The following EXOSC3 variants were observed in gnomAD, a reference collection of about 807,000 sequenced individuals.
The protein encoded by EXOSC3 is exosome component 3.
A neutral mutation model predicts 25.1 loss-of-function variants in EXOSC3; 18 were observed. The observed-to-expected ratio is 0.72, with a 90% confidence interval of 0.50 to 1.06. The LOEUF (loss-of-function observed/expected upper bound fraction) is 1.06. EXOSC3 is among the 50% of genes least tolerant of loss of function. The pLI is 0.00. For missense variants in EXOSC3, 382 were observed against 350.9 expected, an observed-to-expected ratio of 1.09 and a Z score of -0.71; for synonymous variants, 165 against 132.2, an observed-to-expected ratio of 1.25 and a Z score of -1.70.
In EXOSC3 at chr9:37,782,023, C is replaced by G. The variant is rs377071301; in HGVS notation, c.589G>C (p.Gly197Arg). Residue 197 changes from glycine (G) to arginine (R), a missense_variant, in exon 3 of 4, where the codon GGT (glycine) becomes CGT (arginine). Coordinates refer to ENST00000327304, the MANE Select transcript of EXOSC3 (RefSeq NM_016042.4). The stretch of plus-strand genomic sequence containing the variant: ...CCCAGAGTCACTTTAAAAAGCAGAC[C>G]ATCCTGTCCAATGACACCCATTCCA... ...ANGMGVIGQD[G>R]LLFKVTLGLI... 5 of 1,613,988 alleles carry G rather than the reference C, an allele frequency of 3.1e-6. No individual in the cohort carries two copies. Among genetic ancestry groups the G allele is most frequent in the Non-Finnish European group, 4.2e-6 (5 of 1,179,930 alleles).
chr9:37,785,053 C>A lies in EXOSC3; in HGVS notation c.-9G>T. ...GACGCAGGTTCGGCCATCGCGGGCT[C>A]CACCAAACACCGTTTCCGGTACCCG... On this transcript the variant is annotated 5_prime_UTR_variant, in exon 1 of 4. Coordinates refer to ENST00000327304, the MANE Select transcript of EXOSC3 (RefSeq NM_016042.4). 6.3e-7 allele frequency: 1 copy of A among 1,585,620 alleles called. No homozygotes were observed. Among genetic ancestry groups the A allele is most frequent in the Non-Finnish European group, 8.6e-7 (1 of 1,164,280 alleles).
In EXOSC3 at chr9:37,784,072, A is replaced by G; in HGVS notation, c.325-9T>C. 1 of 1,602,048 alleles carries G rather than the reference A, an allele frequency of 6.2e-7. No individual in the cohort carries two copies. The highest frequency in any genetic ancestry group is 8.5e-7 in the Non-Finnish European group (1 of 1,175,486). On this transcript the variant is annotated splice_polypyrimidine_tract_variant and intron_variant, in intron 1 of 3. Transcript: ENST00000327304. ...CCTTTTACTGGAACATACTACAAAA[A>G]GAAACAGAATGAAAAAACAGCCATA...
intron 2 of EXOSC3, among the ~76,000 whole-genome samples, chr9:37,783,027 A>G (rs1214195810): frequency 6.6e-6 from 1 of 152,222 alleles, no homozygotes; most frequent in Non-Finnish European, 1.5e-5. Context: ...CAATCAAGAC[A>G]GTGGGAACAG....
intron 2 of EXOSC3, 141 bp downstream of exon 2, chr9:37,783,773 A>G: frequency 2.9e-6 from 2 of 696,334 alleles, no homozygotes; most frequent in Non-Finnish European, 4.4e-6. Flanking sequence ...ATCTGAAGAA[A>G]CTCTTGGAGC....
rs553028102 is a variant in EXOSC3, at chr9:37,784,868, C to T, written c.177G>A (p.Ala59=). ...VERPLSLNAR[A]CSRVRVVCGP... ...CGCATACAACGCGCACCCGCGAGCA[C>T]GCTCTAGCATTCAGGCTCAACGGTC... The change falls in exon 1 of 4, where the codon GCG becomes GCA. Residue 59 remains alanine (A), a synonymous_variant. Transcript: ENST00000327304. 1 of 1,607,402 alleles carries T rather than the reference C, an allele frequency of 6.2e-7. No homozygotes were observed. Among genetic ancestry groups the T allele is most frequent in the African/African-American group, 1.3e-5 (1 of 74,872 alleles).
Position 37,783,042 on chromosome 9 carries a change from T to C in EXOSC3, c.474+872A>G, listed in dbSNP as rs117082934. Among the ~76,000 whole-genome samples, 20 of 152,312 alleles carry C rather than the reference T, an allele frequency of 1.3e-4. No individual in the cohort carries two copies. The East Asian group carries it at 3.9e-3, about 29-fold the overall frequency. ...CAATCAAGACAGTGGGAACAGCATGTGCAAATAAGGGCAGGAAATTGAGTT... is the reference window on the plus strand; with the variant it reads ...CAATCAAGACAGTGGGAACAGCATGCGCAAATAAGGGCAGGAAATTGAGTT... On this transcript the variant is annotated intron_variant, in intron 2 of 3. Coordinates refer to ENST00000327304, the MANE Select transcript of EXOSC3 (RefSeq NM_016042.4).
chr9:37,780,656 A>T lies in EXOSC3; in HGVS notation c.*23T>A. The stretch of plus-strand genomic sequence containing the variant: ...AACCCATAGTTTTTTGCCTCAACTG[A>T]CCTGTAAAAAAGTCCACCTATATCA... On this transcript the variant is annotated 3_prime_UTR_variant, in exon 4 of 4. Coordinates refer to ENST00000327304, the MANE Select transcript of EXOSC3 (RefSeq NM_016042.4). 1.2e-6 allele frequency: 2 copies of T among 1,608,228 alleles called. No homozygotes were observed. Among genetic ancestry groups the T allele is most frequent in the Non-Finnish European group, 1.7e-6 (2 of 1,176,602 alleles).
Position 37,785,009 on chromosome 9 carries a change from G to A in EXOSC3, c.36C>T (p.Leu12=), listed in dbSNP as rs766464639. The A allele has an allele frequency of 3.1e-6, 5 of 1,604,174 alleles. No individual in the cohort carries two copies. The African/African-American group carries it at 4.0e-5, about 13-fold the overall frequency. Residue 12 remains leucine, a synonymous_variant, in exon 1 of 4, where the codon CTC becomes CTT. Transcript: ENST00000327304. ...GTGCAGCGCGCGCCCTGCTGCCCGC[G>A]AGAGATTCAGCCGCGACAGACGCAG... ...AEPASVAAES[L]AGSRARAART...
At chr9:37,782,178 A>G (rs1323790277) in intron 2 of EXOSC3, 41 bp from the exon 3 acceptor site, 2 of 1,606,600 alleles carry the variant, frequency 1.2e-6, no homozygotes, top group Admixed American at 3.4e-5. Context: ...CTCTCAGCAA[A>G]CTACAGGTGC....
At position 37,780,556 on chromosome 9, in the gene EXOSC3, A is replaced by G; in HGVS notation, c.*123T>C. The G allele has an allele frequency of 1.3e-6, 1 of 745,192 alleles. No homozygotes were observed. The allele number at this position is 745,192 out of a possible 1,614,324, so 46.2% of individuals were successfully genotyped here. A position where few individuals can be genotyped will look rare whatever the true frequency, so the allele number is the denominator to read the frequency against. On this transcript the variant is annotated 3_prime_UTR_variant, in exon 4 of 4. Transcript: ENST00000327304. Reference sequence around the variant, plus strand: ...GTGAAAACCAGTAACTTATAAAAATACTTTCGGACTCTAATAATACATACA... The same window carrying G: ...GTGAAAACCAGTAACTTATAAAAATGCTTTCGGACTCTAATAATACATACA...
At chr9:37,782,184 G>A (rs1428671727) in intron 2 of EXOSC3, 47 bp from the exon 3 acceptor site, 1 of 1,602,074 alleles carries the variant, frequency 6.2e-7, no homozygotes, top group Non-Finnish European at 8.5e-7. Flanking sequence ...GCAAACTACA[G>A]GTGCTACTAT....
chr9:37,780,940 T>C, intron 3 of EXOSC3, 60 bp from the exon 4 acceptor site: 1 of 1,413,368 alleles, frequency 7.1e-7, no homozygotes, highest in East Asian at 2.4e-5. Flanking sequence ...GTCCGGAGTC[T>C]CCTTTAGAAT....
intron 2 of EXOSC3, among the ~76,000 whole-genome samples, chr9:37,782,970 C>G (rs10973542): frequency 0.35 from 52,927 of 151,934 alleles, 9,326 homozygotes; most frequent in African/African-American, 0.37. Context: ...GTTTAGCCTA[C>G]GTCTCAAAGA....
intron 2 of EXOSC3, among the ~76,000 whole-genome samples, chr9:37,783,551 T>C (rs1199584585): frequency 1.3e-5 from 2 of 152,164 alleles, no homozygotes; most frequent in Non-Finnish European, 2.9e-5. Flanking sequence ...GATGGATAGC[T>C]GATAATGTCA....
At chr9:37,782,349 G>A (rs958110986) in intron 2 of EXOSC3, among the ~76,000 whole-genome samples, 1 of 152,234 alleles carries the variant, frequency 6.6e-6, no homozygotes, top group South Asian at 2.1e-4. Context: ...GGAAATCACA[G>A]ACGAGGAGCC....
chr9:37,783,772 A>C (rs1828642814), intron 2 of EXOSC3, 142 bp downstream of exon 2: 1 of 686,772 alleles, frequency 1.5e-6, no homozygotes, highest in South Asian at 3.8e-5. Flanking sequence ...CATCTGAAGA[A>C]ACTCTTGGAG....
intron 2 of EXOSC3, among the ~76,000 whole-genome samples, chr9:37,783,644 T>C (rs113427983): frequency 2.6e-4 from 40 of 152,302 alleles, no homozygotes; most frequent in African/African-American, 7.5e-4. Context: ...ATGGCGATGA[T>C]AGATACAACC....
chr9:37,782,944 T>C (rs1414058340), intron 2 of EXOSC3, among the ~76,000 whole-genome samples: 1 of 152,188 alleles, frequency 6.6e-6, no homozygotes, highest in Admixed American at 6.5e-5. Context: ...AGAGATGGCT[T>C]TACAGAGGTG....
At chr9:37,784,341 GAAGCCC>G (rs1255587587) in intron 1 of EXOSC3, 1 of 480,718 alleles carries the variant, frequency 2.1e-6, no homozygotes, top group Non-Finnish European at 3.6e-6. Flanking sequence ...TACAACCAAG[GAAGCCC>G]ATTCCATAGA....
Sources: allele counts gnomAD v4.1 joint callset (sites outside exome capture counted in the v4.1 genomes callset), GRCh38; gene constraint gnomAD v4.1.1; transcripts MANE v1.5; gene names NCBI Gene and HGNC (gene_info 2026-07-23, HGNC 2026-07-21).